Variants in ANKRD45 observed in about 807,000 individuals in gnomAD.
ANKRD45 encodes the protein ankyrin repeat domain-containing protein 45.
Under a neutral mutation model 28.1 loss-of-function variants are expected in ANKRD45, and 21 were observed. The ratio of observed to expected loss-of-function variants is 0.75; its 90% confidence interval spans 0.53 to 1.08. The LOEUF is 1.08. Among genes scored for constraint, ANKRD45 ranks in the 50% least tolerant of loss-of-function variants. The probability of loss-of-function intolerance (pLI) is 0.00; values close to 1 mark genes in which losing one functional copy is unlikely to be tolerated. For synonymous variants in ANKRD45, 86 were observed against 103.9 expected, an observed-to-expected ratio of 0.83 and a Z score of 1.05; for missense variants, 261 against 308.7, an observed-to-expected ratio of 0.85 and a Z score of 1.16.
At chr1:173,678,346 A>G in the ANKRD45 span, among the ~76,000 whole-genome samples, 1 of 152,234 alleles carries the variant, frequency 6.6e-6, no homozygotes, top group East Asian at 1.9e-4. Context: ...GAAGCAGCAC[A>G]TCAGAAAGCT....
In ANKRD45 at chr1:173,659,407, T is replaced by A. The variant is rs75071004; in HGVS notation, c.12A>T (p.Glu4Asp). MESEGPPESESSEF... is the reference protein window; with the variant it reads MESDGPPESESSEF... ...CTGAACTCTCTGACTCTGGAGGTCC[T>A]TCTGACTCCATTAACTCCAAAAATA... The change falls in exon 2 of 6, where the codon GAA becomes GAT. Residue 4 changes from glutamate to aspartate, a missense_variant. Glu to Asp is a conservative substitution (Grantham distance 45, BLOSUM62 2). Transcript: ENST00000333279. 1.6e-3 allele frequency: 2,419 copies of A among 1,555,708 alleles called. 31 individuals are homozygous for A. The African/African-American group carries it at 0.028, about 18-fold the overall frequency.
intron 1 of ANKRD45, chr1:173,669,510 A>G (rs577904845): frequency 8.8e-6 from 4 of 456,008 alleles, no homozygotes; most frequent in Admixed American, 2.4e-5. Context: ...GGAACAGGAT[A>G]CAGAAAGTGG....
At chr1:173,707,385 T>G in the ANKRD45 span, among the ~76,000 whole-genome samples, 7 of 152,028 alleles carry the variant, frequency 4.6e-5, no homozygotes, top group Non-Finnish European at 1.0e-4. Flanking sequence ...CAGGCTGAAG[T>G]GCAGTGGTGC....
At chr1:173,626,938 GGAAA>G (rs1299395858) in intron 4 of ANKRD45, 123 bp downstream of exon 4, 16 of 614,638 alleles carry the variant, frequency 2.6e-5, no homozygotes, top group Non-Finnish European at 4.0e-5. Context: ...GAGGGAAGAA[GGAAA>G]GAAAGAGGGA....
At chr1:173,689,417 C>CT in the ANKRD45 span, among the ~76,000 whole-genome samples, 8 of 151,638 alleles carry the variant, frequency 5.3e-5, 1 homozygote, top group South Asian at 2.1e-4. Context: ...TAAGTTTTGT[C>CT]TTTTTTTTTC....
chr1:173,687,042 C>G, the ANKRD45 span, among the ~76,000 whole-genome samples: 5 of 152,142 alleles, frequency 3.3e-5, no homozygotes, highest in South Asian at 8.3e-4. Flanking sequence ...ACCCCCTTAA[C>G]TTTAGCCAAT....
chr1:173,693,337 C>T, the ANKRD45 span, among the ~76,000 whole-genome samples: 1 of 152,052 alleles, frequency 6.6e-6, no homozygotes, highest in Non-Finnish European at 1.5e-5. Context: ...ATTTGTAGCA[C>T]TATTCTATTT....
the ANKRD45 span, among the ~76,000 whole-genome samples, chr1:173,698,204 C>T: frequency 6.6e-6 from 1 of 152,056 alleles, no homozygotes; most frequent in Non-Finnish European, 1.5e-5. Flanking sequence ...CTTAGATTCC[C>T]ACACAATAAT....
chr1:173,637,604 A>T (rs187268607), intron 3 of ANKRD45, among the ~76,000 whole-genome samples: 4 of 152,268 alleles, frequency 2.6e-5, no homozygotes, highest in Non-Finnish European at 1.5e-5. Flanking sequence ...GTTGCTAGCC[A>T]ATCAGGTTGA....
At chr1:173,664,002 TG>T (rs1334165304) in intron 1 of ANKRD45, among the ~76,000 whole-genome samples, 1 of 152,210 alleles carries the variant, frequency 6.6e-6, no homozygotes, top group African/African-American at 2.4e-5. Flanking sequence ...CACTGTTTTT[TG>T]TCGCATTCTA....
intron 2 of ANKRD45, among the ~76,000 whole-genome samples, chr1:173,653,208 C>A (rs967648907): frequency 6.6e-6 from 1 of 152,162 alleles, no homozygotes; most frequent in Admixed American, 6.5e-5. Flanking sequence ...AATTTTAGAT[C>A]TTTCCTGCTT....
At chr1:173,640,865 A>G (rs2102349191) in intron 3 of ANKRD45, among the ~76,000 whole-genome samples, 1 of 152,276 alleles carries the variant, frequency 6.6e-6, no homozygotes. Context: ...TCCACGGAAG[A>G]GGTTTGTGCA....
chr1:173,688,117 C>T, the ANKRD45 span, among the ~76,000 whole-genome samples: 7 of 151,538 alleles, frequency 4.6e-5, no homozygotes, highest in East Asian at 1.9e-4. Flanking sequence ...AGGAAGGGTA[C>T]GGGTTGTCAG....
At chr1:173,688,543 T>TGCCTCTTC in the ANKRD45 span, among the ~76,000 whole-genome samples, 6 of 147,192 alleles carry the variant, frequency 4.1e-5, no homozygotes, top group African/African-American at 1.5e-4. Flanking sequence ...TCTCCCTCTC[T>TGCCTCTTC]CTCCCTCTCT....
the ANKRD45 span, among the ~76,000 whole-genome samples, chr1:173,704,558 C>A: frequency 6.6e-6 from 1 of 152,220 alleles, no homozygotes; most frequent in Non-Finnish European, 1.5e-5. Context: ...AACATCTGAT[C>A]CACTGAACCT....
chr1:173,617,547 A>G (rs769284632), intron 5 of ANKRD45, among the ~76,000 whole-genome samples: 52 of 152,358 alleles, frequency 3.4e-4, no homozygotes, highest in Non-Finnish European at 6.3e-4. Flanking sequence ...TGGGACCCCA[A>G]TGCATCCCCC....
At chr1:173,611,841 A>C (rs1360965600) in intron 5 of ANKRD45, among the ~76,000 whole-genome samples, 2 of 152,176 alleles carry the variant, frequency 1.3e-5, no homozygotes, top group Non-Finnish European at 2.9e-5. Flanking sequence ...AGAAAATGAC[A>C]AGACAATCCA....
intron 1 of ANKRD45, chr1:173,667,706 TAA>T (rs76892513): frequency 4.3e-4 from 159 of 369,734 alleles, no homozygotes; most frequent in East Asian, 2.3e-3. Flanking sequence ...GACCCCATCT[TAA>T]AAAAAAAAAG....
chr1:173,640,406 G>A (rs975321577), intron 3 of ANKRD45, among the ~76,000 whole-genome samples: 4 of 151,968 alleles, frequency 2.6e-5, no homozygotes, highest in East Asian at 1.9e-4. Flanking sequence ...CGAGACTGCC[G>A]TCCGCACAGC....
Sources: allele counts gnomAD v4.1 joint callset (sites outside exome capture counted in the v4.1 genomes callset), GRCh38; gene constraint gnomAD v4.1.1; transcripts MANE v1.5; gene names NCBI Gene and HGNC (gene_info 2026-07-23, HGNC 2026-07-21).